The following RHOBTB2 variants were observed in gnomAD, a reference collection of about 807,000 sequenced individuals.
The protein encoded by RHOBTB2 is Rho related BTB domain containing 2.
In RHOBTB2, 39 loss-of-function variants were observed where a neutral mutation model predicts 66.5. The observed-to-expected ratio is 0.59, with a 90% confidence interval of 0.45 to 0.77. RHOBTB2 has a LOEUF of 0.77. Among genes scored for constraint, RHOBTB2 ranks in the 30% least tolerant of loss-of-function variants. The pLI is 0.00. For synonymous variants in RHOBTB2, 390 were observed against 395.0 expected (o/e 0.99, Z 0.15); for missense variants, 755 against 999.1 (o/e 0.76, Z 3.29).
the RHOBTB2 span, among the ~76,000 whole-genome samples, chr8:22,964,961 C>T: frequency 2.0e-5 from 3 of 151,840 alleles, no homozygotes; most frequent in Admixed American, 6.6e-5. Flanking sequence ...GGATTACAGG[C>T]GCCCACCACC....
In RHOBTB2 at chr8:23,005,250, T is replaced by C. The variant is rs2472566; in HGVS notation, c.193-122T>C. The C allele has an allele frequency of 0.83, 562,564 of 677,298 alleles. 235,127 individuals are homozygous for C. The highest frequency in any genetic ancestry group is 0.96 in the East Asian group (36,039 of 37,552). 42.0% of individuals were successfully genotyped at this position (677,298 alleles called of 1,614,324 possible). On this transcript the variant is annotated intron_variant, in intron 2 of 9. Coordinates refer to ENST00000251822, the MANE Select transcript of RHOBTB2 (RefSeq NM_015178.3). ...GGTGCACAGTGGGCGATGCCAGCCT[T>C]GTCCCTCCATGCCCAGTGATGTCTG...
upstream of RHOBTB2, chr8:22,999,468 G>A (rs1041677754): frequency 1.3e-5 from 10 of 771,452 alleles, no homozygotes; most frequent in East Asian, 5.2e-4. Context: ...GGATCTGCGG[G>A]GCGTCCAATC....
At chr8:22,979,760 G>GT in the RHOBTB2 span, among the ~76,000 whole-genome samples, 9 of 102,074 alleles carry the variant, frequency 8.8e-5, no homozygotes, top group Admixed American at 3.3e-4. Context: ...TTTTTTTTTG[G>GT]GACAGAGTGA....
chr8:22,999,375 C>G (rs1034894316), upstream of RHOBTB2, among the ~76,000 whole-genome samples: 1 of 152,130 alleles, frequency 6.6e-6, no homozygotes, highest in Non-Finnish European at 1.5e-5. Context: ...CACCCAGACC[C>G]GCGAGCCGAG....
chr8:23,009,176 G>GAGAT (rs753888710), intron 6 of RHOBTB2, among the ~76,000 whole-genome samples: 1 of 139,216 alleles, frequency 7.2e-6, no homozygotes, highest in African/African-American at 2.6e-5. Flanking sequence ...AAAAAAGAGA[G>GAGAT]AGAGAGAGAA....
chr8:23,015,907 G>A (rs950028505), intron 9 of RHOBTB2, among the ~76,000 whole-genome samples, 164 bp downstream of exon 9: 6 of 152,232 alleles, frequency 3.9e-5, no homozygotes, highest in African/African-American at 1.4e-4. Context: ...CCCAGGAAAA[G>A]TGCTGGCCTG....
the RHOBTB2 span, among the ~76,000 whole-genome samples, chr8:22,969,740 T>C: frequency 1.3e-5 from 2 of 152,180 alleles, no homozygotes; most frequent in African/African-American, 4.8e-5. Flanking sequence ...AATTAGAATT[T>C]TACAAATTAT....
chr8:22,998,325 GAGTGGTGGAGGCGGT>G (rs1810635135), upstream of RHOBTB2, among the ~76,000 whole-genome samples: 1 of 152,188 alleles, frequency 6.6e-6, no homozygotes, highest in South Asian at 2.1e-4. Flanking sequence ...CAAGATGGAG[GAGTGGTGGAGGCGGT>G]TCAGGTGGGT....
chr8:23,004,328 G>A lies in RHOBTB2; in HGVS notation c.-10-97G>A. 1.9e-6 allele frequency: 2 copies of A among 1,036,820 alleles called. No homozygotes were observed. Among genetic ancestry groups the A allele is most frequent in the Non-Finnish European group, 1.5e-6 (1 of 674,670 alleles). 64.2% of individuals were successfully genotyped at this position (1,036,820 alleles called of 1,614,324 possible). A position where few individuals can be genotyped will look rare whatever the true frequency, so the allele number is the denominator to read the frequency against. ...TCCTGTCAGCTCCGGGGCTTGCAGA[G>A]GGGGCAGCCTGGCTGAGGAGAGCTG... On this transcript the variant is annotated intron_variant, in intron 1 of 9. Transcript: ENST00000251822. This position sits in a 1 kb window ranked among gnomAD's most constrained non-coding sequence, Gnocchi z 6.4.
intron 7 of RHOBTB2, among the ~76,000 whole-genome samples, chr8:23,010,996 A>G (rs1321986026): frequency 6.6e-6 from 1 of 152,234 alleles, no homozygotes; most frequent in East Asian, 1.9e-4. Flanking sequence ...TTGGGAGGCC[A>G]AGGCGGGAGG....
chr8:23,006,571 C>A lies in RHOBTB2; in HGVS notation c.483-157C>A. Reference sequence around the variant, plus strand: ...GGAAGAAAAAGGGCTTGGAGTGGACCTTGAAGGAGCTTGATGGGATTTGGC... The same window carrying A: ...GGAAGAAAAAGGGCTTGGAGTGGACATTGAAGGAGCTTGATGGGATTTGGC... On this transcript the variant is annotated intron_variant, in intron 4 of 9. Transcript: ENST00000251822. This position sits in a 1 kb window ranked among gnomAD's most constrained non-coding sequence, Gnocchi z 6.1. The A allele has an allele frequency of 1.4e-6, 1 of 727,532 alleles. No homozygotes were observed. The highest frequency in any genetic ancestry group is 2.3e-6 in the Non-Finnish European group (1 of 435,714). The allele number at this position is 727,532 out of a possible 1,614,324, so 45.1% of individuals were successfully genotyped here. A position where few individuals can be genotyped will look rare whatever the true frequency, so the allele number is the denominator to read the frequency against.
upstream of RHOBTB2, among the ~76,000 whole-genome samples, chr8:22,985,162 A>T (rs987333545): frequency 6.6e-6 from 1 of 152,168 alleles, no homozygotes; most frequent in Non-Finnish European, 1.5e-5. Flanking sequence ...GAGAAGAGAC[A>T]GGTTAAGAGT....
chr8:22,992,342 G>A (rs2128797286), intron 2 of RHOBTB2, among the ~76,000 whole-genome samples: 1 of 152,222 alleles, frequency 6.6e-6, no homozygotes, highest in East Asian at 1.9e-4. Flanking sequence ...TGCAAGAGAT[G>A]CTAATGCCTC....
rs376110794 is a variant in RHOBTB2, at chr8:23,014,202, G to A, written c.1772-488G>A. On this transcript the variant is annotated intron_variant, in intron 7 of 9. Coordinates refer to ENST00000251822, the MANE Select transcript of RHOBTB2 (RefSeq NM_015178.3). ...CTAATTAAAATTCAGAACCAAGGGT[G>A]TTTACTTCTTCAATATAAGTGTTTT... is the stretch of plus-strand genomic sequence containing the variant. Among the ~76,000 whole-genome samples the A allele has an allele frequency of 5.6e-4, 85 of 152,262 alleles. 1 individual carries two copies. The highest frequency in any genetic ancestry group is 1.9e-3 in the African/African-American group (79 of 41,510).
chr8:23,006,426 A>G lies in RHOBTB2; in HGVS notation c.482+281A>G, dbSNP rs1393356685. On this transcript the variant is annotated intron_variant, in intron 4 of 9. Transcript: ENST00000251822. The surrounding 1 kb of genome is among the most constrained non-coding windows in gnomAD (Gnocchi z 6.1). ...ATAATTTTGCTGAGGGATAAACTAAATATGTGAGCATGTTAAATACCCATG... is the reference window on the plus strand; with the variant it reads ...ATAATTTTGCTGAGGGATAAACTAAGTATGTGAGCATGTTAAATACCCATG... 1.8e-6 allele frequency: 1 copy of G among 556,322 alleles called. No homozygotes were observed. The highest frequency in any genetic ancestry group is 2.9e-5 in the East Asian group (1 of 34,672). 34.5% of individuals were successfully genotyped at this position (556,322 alleles called of 1,614,324 possible).
Position 23,002,867 on chromosome 8 carries a change from C to T in RHOBTB2, c.-10-1558C>T, listed in dbSNP as rs1320686579. 2.6e-5 allele frequency among the ~76,000 whole-genome samples: 4 copies of T among 152,230 alleles called. No individual in the cohort carries two copies. The East Asian group carries it at 5.8e-4, about 22-fold the overall frequency. On this transcript the variant is annotated intron_variant, in intron 1 of 9. Coordinates refer to ENST00000251822, the MANE Select transcript of RHOBTB2 (RefSeq NM_015178.3). The stretch of plus-strand genomic sequence containing the variant: ...TTGTCTCATTGAGAAGTCCTTGCTG[C>T]ACTTTTTGCTTAGGTTGCTGAGATG...
At chr8:22,968,224 A>G in the RHOBTB2 span, among the ~76,000 whole-genome samples, 1 of 152,186 alleles carries the variant, frequency 6.6e-6, no homozygotes, top group Non-Finnish European at 1.5e-5. Context: ...AAATTTTAAA[A>G]CATTAAAAAA....
At chr8:23,002,729 G>T (rs969642812) in intron 1 of RHOBTB2, among the ~76,000 whole-genome samples, 1 of 152,128 alleles carries the variant, frequency 6.6e-6, no homozygotes, top group Non-Finnish European at 1.5e-5. Context: ...TCTGCTGAGG[G>T]AGGGTTAGGA....
the RHOBTB2 span, among the ~76,000 whole-genome samples, chr8:22,964,138 T>C: frequency 6.6e-6 from 1 of 152,070 alleles, no homozygotes; most frequent in East Asian, 1.9e-4. Context: ...GTTTTTACCA[T>C]CAGATCTCAT....
Sources: gnomAD v4.1 joint callset for allele counts (sites outside exome capture counted in the v4.1 genomes callset) on GRCh38, gnomAD v4.1.1 for gene constraint, Gnocchi (gnomAD v3.1) non-coding constraint, MANE v1.5 for transcripts, NCBI Gene and HGNC (gene_info 2026-07-23, HGNC 2026-07-21) for gene names.